Variants in PSEN2 observed in about 807,000 individuals in gnomAD.
PSEN2 encodes presenilin-2.
Under a neutral mutation model 49.1 loss-of-function variants are expected in PSEN2, and 32 were observed. That is an observed-to-expected ratio of 0.65 (90% confidence interval 0.49 to 0.88). The LOEUF (loss-of-function observed/expected upper bound fraction) is 0.88, where lower values mean the gene tolerates loss of function less well. PSEN2 is among the 40% of genes least tolerant of loss of function. The pLI is 0.00. For synonymous variants in PSEN2, 255 were observed against 244.0 expected, an observed-to-expected ratio of 1.05 and a Z score of -0.42; for missense variants, 522 against 586.9, an observed-to-expected ratio of 0.89 and a Z score of 1.14.
chr1:226,872,943 C>T lies in PSEN2; in HGVS notation c.-207+1539C>T, dbSNP rs535780590. On this transcript the variant is annotated intron_variant, in intron 2 of 12. Transcript: ENST00000366783. ...CTGTAATCCCAGCACTTTGGGAGGC[C>T]GAGGTGGGTGGATCACCTGAGGTCG... Among the ~76,000 whole-genome samples the T allele has an allele frequency of 4.6e-5, 7 of 152,152 alleles. No homozygotes were observed. The East Asian group carries it at 9.7e-4, about 21-fold the overall frequency.
At chr1:226,887,975 C>T in intron 6 of PSEN2, 116 bp from the exon 7 acceptor site, 1 of 872,414 alleles carries the variant, frequency 1.1e-6, no homozygotes, top group Non-Finnish European at 2.0e-6. Context: ...CCAGCGTAGG[C>T]ATGAAGTAGC....
intron 11 of PSEN2, among the ~76,000 whole-genome samples, chr1:226,892,093 G>A (rs943618368): frequency 6.6e-6 from 1 of 152,224 alleles, no homozygotes; most frequent in Non-Finnish European, 1.5e-5. Flanking sequence ...CCCAGCCCTG[G>A]TGGGACCCAC....
At chr1:226,893,226 C>T (rs2105822) in intron 11 of PSEN2, among the ~76,000 whole-genome samples, 107,999 of 152,180 alleles carry the variant, frequency 0.71, 38,834 homozygotes, top group Middle Eastern at 0.78. Flanking sequence ...CCACAGCACC[C>T]GGCCAAAATT....
chr1:226,880,545 A>AGACAGAGATCACTCTGCCTCTG, intron 3 of PSEN2: 1 of 1,098,728 alleles, frequency 9.1e-7, no homozygotes, highest in Non-Finnish European at 1.2e-6. Flanking sequence ...GCCTCTGGAC[A>AGACAGAGATCACTCTGCCTCTG]GACAGCGATC....
At chr1:226,871,152 T>G (rs904396428) in intron 1 of PSEN2, 110 bp from the exon 2 acceptor site, 8 of 151,834 alleles carry the variant, frequency 5.3e-5, no homozygotes, top group African/African-American at 1.9e-4. Flanking sequence ...TGGGCATGCT[T>G]TCCCCGGGAA....
intron 5 of PSEN2, among the ~76,000 whole-genome samples, chr1:226,884,300 C>T (rs12747261): frequency 0.21 from 31,351 of 152,152 alleles, 3,415 homozygotes; most frequent in South Asian, 0.27. Context: ...CCACTGATCC[C>T]TGTGTGACTG....
At chr1:226,890,427 C>T (rs1459697588) in intron 9 of PSEN2, 1 of 403,500 alleles carries the variant, frequency 2.5e-6, no homozygotes, top group African/African-American at 2.1e-5. Context: ...GCAGCCACCC[C>T]TCAGCTCTCC....
At chr1:226,881,793 C>A in intron 3 of PSEN2, 95 bp from the exon 4 acceptor site, 1 of 1,387,720 alleles carries the variant, frequency 7.2e-7, no homozygotes, top group Non-Finnish European at 1.0e-6. Context: ...GGACTTGTGT[C>A]CAAGTCTCCA....
downstream of PSEN2, chr1:226,897,611 G>C (rs1378472081): frequency 6.4e-6 from 1 of 155,124 alleles, no homozygotes; most frequent in Non-Finnish European, 1.5e-5. Flanking sequence ...GAGAGAATTT[G>C]TAAAAGACAG....
chr1:226,881,865 G>C, intron 3 of PSEN2, 23 bp from the exon 4 acceptor site: 4 of 1,614,164 alleles, frequency 2.5e-6, no homozygotes, highest in Non-Finnish European at 3.4e-6. Flanking sequence ...AGTGGAACAA[G>C]GTCCTTGTGC....
chr1:226,872,920 G>A (rs192912133), intron 2 of PSEN2, among the ~76,000 whole-genome samples: 6 of 152,294 alleles, frequency 3.9e-5, no homozygotes, highest in Non-Finnish European at 8.8e-5. Flanking sequence ...GCTCATGTCT[G>A]TAATCCCAGC....
At position 226,895,699 on chromosome 1, in the gene PSEN2, G is replaced by C. The variant is rs143059995; in HGVS notation, c.*120G>C. On this transcript the variant is annotated 3_prime_UTR_variant, in exon 13 of 13. Coordinates refer to ENST00000366783, the MANE Select transcript of PSEN2 (RefSeq NM_000447.3). ...TTTCTTTCCTTAAAAAATAAAGTAC[G>C]TGTTTACTTGGTGAGGAGGAGGCAG... 9 of 1,258,668 alleles carry C rather than the reference G, an allele frequency of 7.2e-6. No homozygotes were observed. The highest frequency in any genetic ancestry group is 9.9e-6 in the Non-Finnish European group (9 of 906,160). The allele number at this position is 1,258,668 out of a possible 1,614,324, so 78.0% of individuals were successfully genotyped here. A position where few individuals can be genotyped will look rare whatever the true frequency, so the allele number is the denominator to read the frequency against.
At chr1:226,877,732 G>A (rs997798659) in intron 3 of PSEN2, among the ~76,000 whole-genome samples, 3 of 152,366 alleles carry the variant, frequency 2.0e-5, no homozygotes, top group African/African-American at 7.2e-5. Context: ...TGGAATGAGG[G>A]AAGCAGCCTG....
At chr1:226,891,652 C>G in intron 10 of PSEN2, 91 bp from the exon 11 acceptor site, 1 of 1,223,876 alleles carries the variant, frequency 8.2e-7, no homozygotes, top group Non-Finnish European at 1.2e-6. Flanking sequence ...GAGCTTTGTT[C>G]CCTGGTAACA....
Position 226,891,274 on chromosome 1 carries a change from C to G in PSEN2, c.887-4C>G, listed in dbSNP as rs950343296. On this transcript the variant is annotated splice_polypyrimidine_tract_variant and splice_region_variant and intron_variant, in intron 9 of 12. Transcript: ENST00000366783. ...TGAGATGTGAACCTTTTCTCCTCCC[C>G]CAGCTGCCATGGTGTGGACGGTTGG... 1.2e-6 allele frequency: 2 copies of G among 1,613,488 alleles called. No individual in the cohort carries two copies. Among genetic ancestry groups the G allele is most frequent in the Non-Finnish European group, 1.7e-6 (2 of 1,179,896 alleles).
At chr1:226,883,975 TG>T in intron 5 of PSEN2, 56 bp downstream of exon 5, 3 of 129,696 alleles carry the variant, frequency 2.3e-5, no homozygotes, top group Admixed American at 1.0e-4. Context: ...TGCCAGGGGG[TG>T]GGGGGCGCAG....
chr1:226,872,744 C>T (rs1469327184), intron 2 of PSEN2, among the ~76,000 whole-genome samples: 1 of 152,180 alleles, frequency 6.6e-6, no homozygotes, highest in Non-Finnish European at 1.5e-5. Flanking sequence ...AATATTTCTG[C>T]AAGTATTCCC....
chr1:226,890,040 G>T lies in PSEN2; in HGVS notation c.793G>T (p.Val265Leu). Residue 265 changes from valine to leucine, a missense_variant, in exon 9 of 13, where the codon GTG becomes TTG. Coordinates refer to ENST00000366783, the MANE Select transcript of PSEN2 (RefSeq NM_000447.3). ...ILGAISVYDLVAVLCPKGPLR... is the reference protein window; with the variant it reads ...ILGAISVYDLLAVLCPKGPLR... The stretch of plus-strand genomic sequence containing the variant: ...GGATGTCTCTGTCTTCCTAGATCTC[G>T]TGGCTGTGCTGTGTCCCAAAGGGCC... 2.5e-6 allele frequency: 4 copies of T among 1,613,120 alleles called. No individual in the cohort carries two copies. The highest frequency in any genetic ancestry group is 3.4e-6 in the Non-Finnish European group (4 of 1,179,036).
chr1:226,880,831 C>T, intron 3 of PSEN2: 1 of 1,559,160 alleles, frequency 6.4e-7, no homozygotes, highest in Non-Finnish European at 8.7e-7. Context: ...CCCCTGGGTC[C>T]CGCCCTCAGT....
Sources: allele counts gnomAD v4.1 joint callset (sites outside exome capture counted in the v4.1 genomes callset), GRCh38; gene constraint gnomAD v4.1.1; transcripts MANE v1.5; gene names NCBI Gene and HGNC (gene_info 2026-07-23, HGNC 2026-07-21).